Variants in MGAT5 observed in about 807,000 individuals in gnomAD.
MGAT5 encodes the protein alpha-1,6-mannosylglycoprotein 6-beta-N-acetylglucosaminyltransferase A.
Under a neutral mutation model 94.3 loss-of-function variants are expected in MGAT5, and 30 were observed. The ratio of observed to expected loss-of-function variants is 0.32; its 90% CI spans 0.24 to 0.43. MGAT5 has a LOEUF of 0.43. MGAT5 is among the 20% of genes least tolerant of loss of function. MGAT5 has a pLI of 1.00. For missense variants in MGAT5, 691 were observed against 905.5 expected, an observed-to-expected ratio of 0.76 and a Z score of 3.04; for synonymous variants, 310 against 322.9, an observed-to-expected ratio of 0.96 and a Z score of 0.43.
At chr2:134,417,806 A>T (rs879431756) in intron 12 of MGAT5, among the ~76,000 whole-genome samples, 13 of 152,158 alleles carry the variant, frequency 8.5e-5, no homozygotes, top group Non-Finnish European at 1.9e-4. Context: ...ATAGTGTCAC[A>T]TACTATACAA....
chr2:134,416,451 C>T (rs1683973472), intron 12 of MGAT5, among the ~76,000 whole-genome samples: 1 of 148,144 alleles, frequency 6.8e-6, no homozygotes, highest in African/African-American at 2.5e-5. Context: ...ATGTTGTAGC[C>T]TGTTTCAGAA....
chr2:134,364,297 T>G (rs1680282190), intron 10 of MGAT5, among the ~76,000 whole-genome samples: 1 of 152,150 alleles, frequency 6.6e-6, no homozygotes, highest in Non-Finnish European at 1.5e-5. Context: ...GTCAGGAGTT[T>G]GCAACCAGCC....
In MGAT5 at chr2:134,248,369, A is replaced by G. The variant is rs912465536; in HGVS notation, c.-142-5893A>G. Among the ~76,000 whole-genome samples the G allele has an allele frequency of 2.6e-5, 4 of 152,224 alleles. No individual in the cohort carries two copies. The East Asian group carries it at 7.7e-4, about 29-fold the overall frequency. ...AGGCGAGATGAAACGGGATTGTCCTATAGAGCAAGGAAGGAGCACGAACTG... is the reference window on the plus strand; with the variant it reads ...AGGCGAGATGAAACGGGATTGTCCTGTAGAGCAAGGAAGGAGCACGAACTG... On this transcript the variant is annotated intron_variant, in intron 1 of 16. Transcript: ENST00000409645.
At chr2:134,140,474 G>C (rs1558952820) in intron 1 of MGAT5, among the ~76,000 whole-genome samples, 1 of 152,218 alleles carries the variant, frequency 6.6e-6, no homozygotes, top group African/African-American at 2.4e-5. Context: ...GGGCGAGTTG[G>C]GTCAGATGTT....
intron 1 of MGAT5, among the ~76,000 whole-genome samples, chr2:134,139,553 G>A (rs921914584): frequency 6.6e-6 from 1 of 152,134 alleles, no homozygotes; most frequent in East Asian, 1.9e-4. Flanking sequence ...CACACCCAGC[G>A]GAGGCTCAGA....
At chr2:134,439,430 C>T (rs1226133475) in intron 14 of MGAT5, among the ~76,000 whole-genome samples, 1 of 152,202 alleles carries the variant, frequency 6.6e-6, no homozygotes, top group Non-Finnish European at 1.5e-5. Context: ...GGCGCGGTGG[C>T]TCACACCTGT....
At chr2:134,322,899 A>G (rs1687417270) in intron 4 of MGAT5, among the ~76,000 whole-genome samples, 1 of 152,150 alleles carries the variant, frequency 6.6e-6, no homozygotes, top group Non-Finnish European at 1.5e-5. Context: ...CCTAATCCTT[A>G]TTGAAAGAGC....
chr2:134,297,073 T>G (rs1685717082), intron 2 of MGAT5, among the ~76,000 whole-genome samples: 1 of 151,930 alleles, frequency 6.6e-6, no homozygotes. Context: ...GACACACACT[T>G]GTGGTCCTAG....
intron 1 of MGAT5, among the ~76,000 whole-genome samples, chr2:134,189,606 T>TG (rs1399203387): frequency 0.016 from 1,721 of 108,574 alleles, 120 homozygotes; most frequent in African/African-American, 0.063. Context: ...TTTTTTGTTT[T>TG]TTTTTTTTTT....
chr2:134,143,276 A>C (rs1280428704), intron 1 of MGAT5, among the ~76,000 whole-genome samples: 1 of 152,216 alleles, frequency 6.6e-6, no homozygotes, highest in African/African-American at 2.4e-5. Context: ...ATGGTCACAC[A>C]ACATGATGAA....
chr2:134,254,127 G>A lies in MGAT5; in HGVS notation c.-277G>A, dbSNP rs2105511149. On this transcript the variant is annotated 5_prime_UTR_variant, in exon 1 of 16. Coordinates refer to ENST00000281923, the MANE Select transcript of MGAT5 (RefSeq NM_002410.5). ...GATTTCCCCTCAGCTTACAGTTCCTGAATCATAAGATATTGAACCAGCAAA... is the reference window on the plus strand; with the variant it reads ...GATTTCCCCTCAGCTTACAGTTCCTAAATCATAAGATATTGAACCAGCAAA... 3.5e-6 allele frequency: 2 copies of A among 569,756 alleles called. No homozygotes were observed. The highest frequency in any genetic ancestry group is 5.7e-5 in the East Asian group (2 of 35,082). The allele number at this position is 569,756 out of a possible 1,614,324, so 35.3% of individuals were successfully genotyped here.
At chr2:134,232,082 A>ACTC (rs10674634) in intron 1 of MGAT5, among the ~76,000 whole-genome samples, 104,756 of 149,868 alleles carry the variant, frequency 0.7, 36,616 homozygotes, top group Non-Finnish European at 0.73. Flanking sequence ...GTCATTCTAT[A>ACTC]CTCCTCCTCC....
intron 10 of MGAT5, among the ~76,000 whole-genome samples, chr2:134,379,084 C>T (rs1334079327): frequency 6.6e-6 from 1 of 152,178 alleles, no homozygotes; most frequent in East Asian, 1.9e-4. Flanking sequence ...ATGTCTCAGG[C>T]CTTCTGGCTT....
intron 5 of MGAT5, among the ~76,000 whole-genome samples, chr2:134,337,446 A>G (rs781381698): frequency 3.3e-5 from 5 of 152,164 alleles, no homozygotes; most frequent in Non-Finnish European, 7.4e-5. Flanking sequence ...ACTGCATTCC[A>G]GTCTGGGTGG....
chr2:134,359,306 G>A (rs999655818), intron 9 of MGAT5, among the ~76,000 whole-genome samples: 2 of 152,236 alleles, frequency 1.3e-5, no homozygotes, highest in African/African-American at 2.4e-5. Context: ...CTATGAGGCT[G>A]TGTATTAGAG....
Position 134,191,534 on chromosome 2 carries a change from C to T in MGAT5, c.-142-62728C>T, listed in dbSNP as rs528155513. ...CGCCTCCTCCTCCTCCTCCTCCTTGCGGGAGCGGGTTCCTGATAGGAGGGT... is the reference window on the plus strand; with the variant it reads ...CGCCTCCTCCTCCTCCTCCTCCTTGTGGGAGCGGGTTCCTGATAGGAGGGT... On this transcript the variant is annotated intron_variant, in intron 1 of 16. Coordinates refer to the MGAT5 transcript ENST00000409645. Among the ~76,000 whole-genome samples, 45 of 148,432 alleles carry T rather than the reference C, an allele frequency of 3.0e-4. No individual in the cohort carries two copies. In the East Asian group the frequency reaches 9.0e-3, roughly 30 times the overall value.
At chr2:134,143,940 A>G (rs1456035307) in intron 1 of MGAT5, among the ~76,000 whole-genome samples, 1 of 152,174 alleles carries the variant, frequency 6.6e-6, no homozygotes, top group African/African-American at 2.4e-5. Context: ...AGACATTGTA[A>G]CAAGTTCAGG....
chr2:134,282,353 C>T (rs1413267441), intron 2 of MGAT5, among the ~76,000 whole-genome samples: 3 of 152,140 alleles, frequency 2.0e-5, no homozygotes, highest in African/African-American at 4.8e-5. Flanking sequence ...TTCATGCCCC[C>T]GGGCTACCAG....
At chr2:134,408,964 A>G (rs1463042835) in intron 11 of MGAT5, among the ~76,000 whole-genome samples, 1 of 152,214 alleles carries the variant, frequency 6.6e-6, no homozygotes, top group Non-Finnish European at 1.5e-5. Flanking sequence ...TGTAAACCAT[A>G]TCATCTCTTA....
Sources: gnomAD v4.1 joint callset for allele counts (sites outside exome capture counted in the v4.1 genomes callset) on GRCh38, gnomAD v4.1.1 for gene constraint, MANE v1.5 for transcripts, NCBI Gene and HGNC (gene_info 2026-07-23, HGNC 2026-07-21) for gene names.